The following LPP variants were observed in gnomAD, a reference collection of about 807,000 sequenced individuals.
The protein encoded by LPP is LIM domain containing preferred translocation partner in lipoma.
Under a neutral mutation model 60.4 loss-of-function variants are expected in LPP, and 38 were observed. That is an observed-to-expected ratio of 0.63 (90% CI 0.49 to 0.83). The LOEUF (loss-of-function observed/expected upper bound fraction) is 0.83, where lower values mean the gene tolerates loss of function less well. LPP is among the 40% of genes least tolerant of loss of function. LPP has a pLI of 0.00. For missense variants in LPP, 902 were observed against 783.6 expected, an observed-to-expected ratio of 1.15 and a Z score of -1.80; for synonymous variants, 328 against 290.8, an observed-to-expected ratio of 1.13 and a Z score of -1.30.
At position 188,801,015 on chromosome 3, in the gene LPP, G is replaced by T. The variant is rs867769229; in HGVS notation, c.1410+40733G>T. 7.9e-5 allele frequency among the ~76,000 whole-genome samples: 12 copies of T among 152,148 alleles called. No individual in the cohort carries two copies. In the South Asian group the frequency reaches 1.0e-3, roughly 13 times the overall value. ...TTAGAGCAGCTGACTGGCTGGCAGAGCTCTCCATGGCCTTACCTCCCCTTC... is the reference window on the plus strand; with the variant it reads ...TTAGAGCAGCTGACTGGCTGGCAGATCTCTCCATGGCCTTACCTCCCCTTC... On this transcript the variant is annotated intron_variant, in intron 9 of 11. Transcript: ENST00000617246.
At chr3:188,230,425 T>C (rs866485314) in intron 2 of LPP, among the ~76,000 whole-genome samples, 1 of 152,100 alleles carries the variant, frequency 6.6e-6, no homozygotes. Flanking sequence ...TTACGCTGAG[T>C]GCTTGGGAAA....
At chr3:188,517,702 A>G (rs116129564) in intron 5 of LPP, among the ~76,000 whole-genome samples, 10,432 of 152,266 alleles carry the variant, frequency 0.069, 374 homozygotes, top group Middle Eastern at 0.14. Context: ...TGCAAAGCAG[A>G]AACCCCTGAT....
intron 4 of LPP, among the ~76,000 whole-genome samples, chr3:188,423,935 G>T (rs1207153588): frequency 3.3e-5 from 5 of 150,280 alleles, no homozygotes; most frequent in Admixed American, 3.3e-4. Flanking sequence ...AGTTTTTTTT[G>T]CTGTGCAGAA....
chr3:188,305,089 A>C (rs79342319), intron 2 of LPP, among the ~76,000 whole-genome samples: 3,276 of 152,226 alleles, frequency 0.022, 130 homozygotes, highest in African/African-American at 0.074. Flanking sequence ...TTTCTTCTGC[A>C]TTATGGTTAT....
In LPP at chr3:188,609,794, T is replaced by C. The variant is rs751169575; in HGVS notation, c.1063T>C (p.Tyr355His). 4 of 1,613,816 alleles carry C rather than the reference T, an allele frequency of 2.5e-6. No individual in the cohort carries two copies. The highest frequency in any genetic ancestry group is 3.4e-6 in the Non-Finnish European group (4 of 1,179,920). Residue 355 changes from tyrosine to histidine, a missense_variant, in exon 7 of 12, where the codon TAT becomes CAT. Tyr to His is a moderately conservative substitution (Grantham distance 83). Transcript: ENST00000617246. This position sits in a 1 kb window ranked among gnomAD's most constrained non-coding sequence, Gnocchi z 6.9. Reference protein sequence around the residue: ...MYPVTGPKKTYITDPVSAPCA... With the variant: ...MYPVTGPKKTHITDPVSAPCA... ...TCCAGTCACTGGTCCCAAGAAGACC[T>C]ATATCACAGATCCTGTTTCAGCCCC...
chr3:188,294,489 T>C (rs1243213889), intron 2 of LPP, among the ~76,000 whole-genome samples: 1 of 152,202 alleles, frequency 6.6e-6, no homozygotes, highest in Non-Finnish European at 1.5e-5. Flanking sequence ...TGCTTAACAA[T>C]GGTGAACACA....
chr3:188,250,808 C>CTTTCTCTTTCTT (rs749622593), intron 2 of LPP, among the ~76,000 whole-genome samples: 23 of 132,086 alleles, frequency 1.7e-4, no homozygotes, highest in Admixed American at 6.1e-4. Context: ...TTCTTTCTTT[C>CTTTCTCTTTCTT]TCTTTCTTTC....
At chr3:188,657,722 A>G (rs898697092) in intron 7 of LPP, among the ~76,000 whole-genome samples, 3 of 152,054 alleles carry the variant, frequency 2.0e-5, no homozygotes, top group Admixed American at 1.3e-4. Context: ...AACCCGTTAC[A>G]TTCATCCCTC....
At chr3:188,164,539 G>A (rs981350687) in intron 1 of LPP, among the ~76,000 whole-genome samples, 31 of 152,148 alleles carry the variant, frequency 2.0e-4, no homozygotes, top group South Asian at 2.1e-4. Context: ...GTATGAAAAC[G>A]AATCATTTTC....
chr3:188,599,230 T>C (rs1436646339), intron 6 of LPP, among the ~76,000 whole-genome samples: 1 of 152,120 alleles, frequency 6.6e-6, no homozygotes, highest in Non-Finnish European at 1.5e-5. Context: ...TCAAAACCGA[T>C]GGCATTCTAT....
chr3:188,470,509 C>A (rs1186447212), intron 4 of LPP, among the ~76,000 whole-genome samples: 1 of 152,068 alleles, frequency 6.6e-6, no homozygotes, highest in Non-Finnish European at 1.5e-5. Context: ...GGAAGAGGTG[C>A]TTTTAGGATA....
chr3:188,252,170 CATATAT>C (rs10609191), intron 2 of LPP, among the ~76,000 whole-genome samples: 2,190 of 101,818 alleles, frequency 0.022, 27 homozygotes, highest in Middle Eastern at 0.028. Context: ...CTTCCCCAAA[CATATAT>C]ATATATATAT....
At chr3:188,757,441 T>C (rs2150422133) in intron 8 of LPP, among the ~76,000 whole-genome samples, 1 of 152,348 alleles carries the variant, frequency 6.6e-6, no homozygotes, top group East Asian at 1.9e-4. Context: ...ATAAGCCATG[T>C]AGGCTCAGGT....
At chr3:188,688,865 CT>C in intron 7 of LPP, 1 of 520,854 alleles carries the variant, frequency 1.9e-6, no homozygotes, top group South Asian at 1.4e-5. Context: ...AGGGCAGGCA[CT>C]TTCGTTCATC....
At chr3:188,615,612 T>A (rs1844692377) in intron 7 of LPP, among the ~76,000 whole-genome samples, 1 of 152,210 alleles carries the variant, frequency 6.6e-6, no homozygotes, top group Non-Finnish European at 1.5e-5. Context: ...TTGAAGAATT[T>A]TGGTAGACAC....
chr3:188,154,084 C>G (rs1014696055), upstream of LPP: 132 of 158,306 alleles, frequency 8.3e-4, no homozygotes, highest in African/African-American at 3.1e-3. Flanking sequence ...GCGGCGCGCT[C>G]GAGGAGGCCA....
chr3:188,214,369 G>C (rs1467862240), intron 1 of LPP, among the ~76,000 whole-genome samples: 1 of 152,198 alleles, frequency 6.6e-6, no homozygotes, highest in East Asian at 1.9e-4. Context: ...GACCTCAGGT[G>C]ATCTGCCTGC....
At chr3:188,375,507 A>G (rs552399120) in intron 3 of LPP, among the ~76,000 whole-genome samples, 11 of 152,302 alleles carry the variant, frequency 7.2e-5, no homozygotes, top group Non-Finnish European at 1.5e-4. Context: ...AGGTGTTTGT[A>G]GTACTCTCTG....
intron 9 of LPP, among the ~76,000 whole-genome samples, chr3:188,823,139 G>A (rs1482798590): frequency 2.0e-5 from 3 of 152,134 alleles, no homozygotes; most frequent in Non-Finnish European, 2.9e-5. Context: ...GTGGCAAGAA[G>A]GTGTGAAATT....
Sources: allele counts gnomAD v4.1 joint callset (sites outside exome capture counted in the v4.1 genomes callset), GRCh38; gene constraint gnomAD v4.1.1; non-coding constraint Gnocchi (gnomAD v3.1); transcripts MANE v1.5; gene names NCBI Gene and HGNC (gene_info 2026-07-23, HGNC 2026-07-21).